Variants in UACA observed in about 807,000 individuals in gnomAD.
The protein encoded by UACA is uveal autoantigen with coiled-coil domains and ankyrin repeats.
Under a neutral mutation model 160.5 loss-of-function variants are expected in UACA, and 112 were observed. That is an observed-to-expected ratio of 0.70 (90% CI 0.60 to 0.82). The LOEUF is 0.82. UACA is among the 40% of genes least tolerant of loss of function. UACA has a pLI of 0.00. For synonymous variants in UACA, 557 were observed against 568.4 expected (o/e 0.98, Z 0.29); for missense variants, 1,574 against 1,614.6 (o/e 0.97, Z 0.43).
rs114734080 is a variant in UACA at position 70,668,346 on chromosome 15, A to T, written c.2338T>A (p.Leu780Met). ...DVTQKYTEKK[L>M]EMEKLLLEND... The stretch of plus-strand genomic sequence containing the variant: ...TCCAGTAGCAATTTCTCCATTTCCA[A>T]CTTCTTTTCTGTATATTTTTGTGTT... Residue 780 changes from leucine (L) to methionine (M), a missense_variant, in exon 16 of 19, where the codon TTG (leucine) becomes ATG (methionine). Coordinates refer to ENST00000322954, the MANE Select transcript of UACA (RefSeq NM_018003.4). 1.9e-3 allele frequency: 3,026 copies of T among 1,608,854 alleles called. 58 individuals carry two copies. In the African/African-American group the frequency reaches 0.036, roughly 19 times the overall value.
the UACA span, among the ~76,000 whole-genome samples, chr15:70,771,103 T>G: frequency 6.6e-6 from 1 of 152,222 alleles, no homozygotes. Flanking sequence ...GCCAGAATGT[T>G]AACACTTTGA....
Position 70,684,304 on chromosome 15 carries a change from G to T in UACA, c.745C>A (p.Leu249Ile). 6.2e-7 allele frequency: 1 copy of T among 1,613,534 alleles called. No individual in the cohort carries two copies. Among genetic ancestry groups the T allele is most frequent in the Non-Finnish European group, 8.5e-7 (1 of 1,179,726 alleles). Residue 249 changes from leucine to isoleucine, a missense_variant, in exon 8 of 19, where the codon CTA becomes ATA. Transcript: ENST00000322954. ...YARIGDNLDI[L>I]TLLKTASENT... is the part of the protein sequence containing the mutation. ...TCCGATGCAGTCTTCAACAAGGTTA[G>T]AATGTCCAGATTGTCACCAATTCTT...
At chr15:70,682,878 C>A (rs1897562841) in intron 8 of UACA, 83 bp from the exon 9 acceptor site, 14 of 805,432 alleles carry the variant, frequency 1.7e-5, no homozygotes, top group Admixed American at 8.7e-5. Flanking sequence ...ACAATTGAGT[C>A]AATATTAAAT....
At chr15:70,684,537 T>C in intron 7 of UACA, 91 bp from the exon 8 acceptor site, 2 of 1,318,258 alleles carry the variant, frequency 1.5e-6, no homozygotes, top group East Asian at 2.4e-5. Flanking sequence ...ACTGTCTTAG[T>C]GTTCACTGGA....
chr15:70,668,453 T>A lies in UACA; in HGVS notation c.2231A>T (p.Tyr744Phe), dbSNP rs774430262. The A allele has an allele frequency of 6.2e-7, 1 of 1,612,122 alleles. No homozygotes were observed. The highest frequency in any genetic ancestry group is 1.1e-5 in the South Asian group (1 of 90,888). ...GTCTTCACTTACTTTTAAAGGAACA[T>A]AATGATTTTTCATTTCAATTGTTAA... ...HNLTIEMKNH[Y>F]VPLKVSEDMK... is the part of the protein sequence containing the mutation. The change falls in exon 16 of 19, where the codon TAT becomes TTT. Residue 744 changes from tyrosine (Y) to phenylalanine (F), a missense_variant. By Grantham distance (22) the Tyr-to-Phe change is conservative. Transcript: ENST00000322954.
chr15:70,768,753 G>A, the UACA span, among the ~76,000 whole-genome samples: 18 of 152,202 alleles, frequency 1.2e-4, no homozygotes, highest in South Asian at 2.1e-4. Flanking sequence ...GCAATGAGCC[G>A]AAAAACTTTC....
At chr15:70,685,107 CT>C (rs1255866529) in intron 7 of UACA, among the ~76,000 whole-genome samples, 1 of 152,092 alleles carries the variant, frequency 6.6e-6, no homozygotes, top group African/African-American at 2.4e-5. Flanking sequence ...TTAGAAGAAC[CT>C]TGATTCTTCT....
At chr15:70,676,442 C>T in intron 13 of UACA, 51 bp downstream of exon 13, 1 of 1,237,564 alleles carries the variant, frequency 8.1e-7, no homozygotes, top group South Asian at 1.3e-5. Flanking sequence ...ATGCCAAGAG[C>T]CTTACCATTA....
At chr15:70,666,672 G>T in intron 16 of UACA, 52 bp downstream of exon 16, 1 of 1,402,160 alleles carries the variant, frequency 7.1e-7, no homozygotes, top group Non-Finnish European at 9.6e-7. Context: ...GTGGTAAAGA[G>T]CACTGCTCTG....
rs116465815 is a variant in UACA at position 70,754,527 on chromosome 15, C to A, written c.78+8803G>T. ...GGTGTCTTAAATGCATTTCGACTTA[C>A]AATATTTTCAACTTAAACTGGGTTT... On this transcript the variant is annotated intron_variant, in intron 1 of 18. Transcript: ENST00000322954. Among the ~76,000 whole-genome samples the A allele has an allele frequency of 9.7e-3, 1,471 of 152,210 alleles. 31 individuals are homozygous for A. Among genetic ancestry groups the A allele is most frequent in the African/African-American group, 0.033 (1,367 of 41,512 alleles).
At chr15:70,657,870 C>A (rs1439143451) in intron 18 of UACA, among the ~76,000 whole-genome samples, 4 of 151,342 alleles carry the variant, frequency 2.6e-5, no homozygotes, top group Non-Finnish European at 5.9e-5. Flanking sequence ...TCACTTGAGG[C>A]CAGGAGTTTA....
At chr15:70,773,451 A>AT in the UACA span, among the ~76,000 whole-genome samples, 1 of 152,266 alleles carries the variant, frequency 6.6e-6, no homozygotes, top group South Asian at 2.1e-4. Flanking sequence ...AAACTAAAAC[A>AT]TTTTTTGTAG....
At chr15:70,692,555 G>A (rs1897976525) in intron 3 of UACA, among the ~76,000 whole-genome samples, 1 of 152,148 alleles carries the variant, frequency 6.6e-6, no homozygotes, top group South Asian at 2.1e-4. Flanking sequence ...TGTATTGCTT[G>A]AGCCTGGGAG....
intron 1 of UACA, chr15:70,758,134 A>T (rs1194757587): frequency 6.6e-6 from 1 of 152,202 alleles, no homozygotes; most frequent in Non-Finnish European, 1.5e-5. Flanking sequence ...CTCATCACCT[A>T]AAGTTCCTGG....
chr15:70,673,216 A>G (rs2140914248), intron 13 of UACA, among the ~76,000 whole-genome samples: 1 of 152,312 alleles, frequency 6.6e-6, no homozygotes, highest in African/African-American at 2.4e-5. Flanking sequence ...TCAAGGCTAC[A>G]GTGAGTGGTG....
intron 13 of UACA, among the ~76,000 whole-genome samples, chr15:70,673,325 G>T (rs1208529409): frequency 2.6e-5 from 4 of 151,952 alleles, no homozygotes; most frequent in Non-Finnish European, 4.4e-5. Flanking sequence ...TGAAGAGTAA[G>T]GACAGGCAGA....
intron 1 of UACA, among the ~76,000 whole-genome samples, chr15:70,753,368 T>C (rs2030209266): frequency 6.6e-6 from 1 of 152,198 alleles, no homozygotes; most frequent in South Asian, 2.1e-4. Flanking sequence ...ATTCCACATA[T>C]CTCTGGAGGG....
chr15:70,678,235 G>A, intron 10 of UACA, 29 bp from the exon 11 acceptor site: 1 of 1,548,734 alleles, frequency 6.5e-7, no homozygotes, highest in Non-Finnish European at 8.8e-7. Flanking sequence ...CAAGGTGCCA[G>A]GCCAATCTTA....
intron 1 of UACA, among the ~76,000 whole-genome samples, chr15:70,717,737 G>T (rs1157736343): frequency 6.6e-6 from 1 of 152,110 alleles, no homozygotes; most frequent in Admixed American, 6.5e-5. Context: ...TGTCAGTTTG[G>T]TTCTGCTATG....
Sources: gnomAD v4.1 joint callset for allele counts (sites outside exome capture counted in the v4.1 genomes callset) on GRCh38, gnomAD v4.1.1 for gene constraint, MANE v1.5 for transcripts, NCBI Gene and HGNC (gene_info 2026-07-23, HGNC 2026-07-21) for gene names.